CHRDL1: variants seen among roughly 807,000 people sequenced by gnomAD.
CHRDL1 encodes the protein chordin like 1.
Under a neutral mutation model 40.9 loss-of-function variants are expected in CHRDL1, and 19 were observed. That is an observed-to-expected ratio of 0.46 (90% CI 0.32 to 0.68). The LOEUF is 0.68. Ranked by LOEUF, CHRDL1 falls within the 30% of genes least tolerant of loss-of-function variation. The pLI is 0.03. For missense variants in CHRDL1, 329 were observed against 352.1 expected, an observed-to-expected ratio of 0.93 and a Z score of 0.53; for synonymous variants, 136 against 123.4, an observed-to-expected ratio of 1.10 and a Z score of -0.68.
intron 9 of CHRDL1, among the ~76,000 whole-genome samples, chrX:110,683,967 C>T (rs982150643): frequency 1.8e-5 from 2 of 112,140 alleles, no homozygotes; most frequent in African/African-American, 6.5e-5. Context: ...GGACTCTCTC[C>T]CCTGTATGTC....
In CHRDL1 at chrX:110,721,457, A is replaced by G. The variant is rs779388308; in HGVS notation, c.375T>C (p.His125=). ...GCCCTTCAGCTACGAACAGCTCTCCATGTTGGTAAGTTGTCCCATTGTACT... is the reference window on the plus strand; with the variant it reads ...GCCCTTCAGCTACGAACAGCTCTCCGTGTTGGTAAGTTGTCCCATTGTACT... ...SCEYNGTTYQ[H]GELFVAEGLF... The change falls in exon 5 of 12, where the codon CAT becomes CAC. Residue 125 remains histidine (H), a synonymous_variant. Transcript: ENST00000372042. The G allele has an allele frequency of 2.5e-5, 30 of 1,205,790 alleles. No individual in the cohort carries two copies. Among genetic ancestry groups the G allele is most frequent in the Non-Finnish European group, 3.0e-5 (27 of 891,317 alleles).
intron 9 of CHRDL1, among the ~76,000 whole-genome samples, chrX:110,685,886 A>ATTTTTTT (rs72389100): frequency 1.1e-4 from 9 of 82,779 alleles, no homozygotes; most frequent in African/African-American, 4.4e-4. Flanking sequence ...TTTTTAGCCA[A>ATTTTTTT]TTTTTTTTTT....
At chrX:110,753,042 A>G (rs1301585718) in intron 4 of CHRDL1, among the ~76,000 whole-genome samples, 1 of 111,726 alleles carries the variant, frequency 9.0e-6, no homozygotes, top group African/African-American at 3.3e-5. Flanking sequence ...AAGACCCAGA[A>G]TTTCCACTCC....
chrX:110,747,044 C>A (rs765450167), intron 4 of CHRDL1, among the ~76,000 whole-genome samples: 1 of 110,673 alleles, frequency 9.0e-6, no homozygotes, highest in Non-Finnish European at 1.9e-5. Flanking sequence ...ATTGGCCCCC[C>A]CTGCCTTCCT....
chrX:110,724,503 T>C (rs79484439), intron 4 of CHRDL1, among the ~76,000 whole-genome samples: 3 of 109,682 alleles, frequency 2.7e-5, no homozygotes, highest in Non-Finnish European at 5.7e-5. Context: ...TAACATCTCA[T>C]TCTTATTTCA....
At chrX:110,742,365 C>T (rs2071377124) in intron 4 of CHRDL1, among the ~76,000 whole-genome samples, 1 of 112,360 alleles carries the variant, frequency 8.9e-6, no homozygotes, top group African/African-American at 3.2e-5. Context: ...TACCTGAGCA[C>T]CTGCACAGGC....
chrX:110,681,661 A>G lies in CHRDL1; in HGVS notation c.989-12T>C. On this transcript the variant is annotated splice_polypyrimidine_tract_variant and intron_variant, in intron 9 of 11. Coordinates refer to ENST00000372042, the MANE Select transcript of CHRDL1 (RefSeq NM_001143981.2). ...GCCTGGAAGTTCTTCTGGAATCAGG[A>G]AGCAAGTAGAATTTTGTCATGGTTT... 8.5e-7 allele frequency: 1 copy of G among 1,179,680 alleles called. No individual in the cohort carries two copies. Among genetic ancestry groups the G allele is most frequent in the Admixed American group, 2.3e-5 (1 of 43,830 alleles).
rs758478459 is a variant in CHRDL1 at position 110,697,515 on chromosome X, G to A, written c.609+3139C>T. Reference sequence around the variant, plus strand: ...TTCAGAATATATTCTAATCCATACAGCCATTAAAACATTGTATCTTAATCA... The same window carrying A: ...TTCAGAATATATTCTAATCCATACAACCATTAAAACATTGTATCTTAATCA... On this transcript the variant is annotated intron_variant, in intron 7 of 11. Coordinates refer to ENST00000372042, the MANE Select transcript of CHRDL1 (RefSeq NM_001143981.2). Among the ~76,000 whole-genome samples, 5 of 110,566 alleles carry A rather than the reference G, an allele frequency of 4.5e-5. 1 individual carries two copies. The South Asian group carries it at 1.6e-3, about 34-fold the overall frequency.
At chrX:110,723,143 C>T (rs1261433200) in intron 4 of CHRDL1, among the ~76,000 whole-genome samples, 3 of 110,555 alleles carry the variant, frequency 2.7e-5, no homozygotes, top group Admixed American at 1.9e-4. Context: ...CCCAGCTAAT[C>T]GGGAGGCTGA....
At chrX:110,748,759 C>A (rs1340633166) in intron 4 of CHRDL1, among the ~76,000 whole-genome samples, 1 of 112,257 alleles carries the variant, frequency 8.9e-6, no homozygotes, top group Non-Finnish European at 1.9e-5. Flanking sequence ...CGGCATAATG[C>A]CATTCATATG....
chrX:110,705,304 T>TATATATATATACAC lies in CHRDL1; in HGVS notation c.542-4584_542-4583insGTGTATATATATAT, dbSNP rs1491498596. Among the ~76,000 whole-genome samples the TATATATATATACAC allele has an allele frequency of 1.2e-3, 90 of 77,581 alleles. 1 individual carries two copies. Among genetic ancestry groups the TATATATATATACAC allele is most frequent in the African/African-American group, 4.8e-3 (85 of 17,689 alleles). 67.4% of individuals were successfully genotyped at this position (77,581 alleles called of 115,157 possible). ...GACTATATATATATATATATATATA[T>TATATATATATACAC]ACACACACACATATATATATACACA... On this transcript the variant is annotated intron_variant, in intron 6 of 11. Transcript: ENST00000372042.
At chrX:110,699,672 G>GT (rs965114119) in intron 7 of CHRDL1, among the ~76,000 whole-genome samples, 4 of 112,000 alleles carry the variant, frequency 3.6e-5, no homozygotes, top group African/African-American at 9.7e-5. Context: ...TTTACATAAA[G>GT]AAGTGATAGT....
chrX:110,676,253 C>G lies in CHRDL1; in HGVS notation c.1355G>C (p.Arg452Thr). The G allele has an allele frequency of 1.7e-6, 2 of 1,209,418 alleles. No homozygotes were observed. The highest frequency in any genetic ancestry group is 2.2e-6 in the Non-Finnish European group (2 of 893,960). ...TGCCTAACAGTGGCCCTTTTCAGATCTCTCCAGGTACAAAACCTTGACTAA... is the reference window on the plus strand; with the variant it reads ...TGCCTAACAGTGGCCCTTTTCAGATGTCTCCAGGTACAAAACCTTGACTAA... ...EDLVKVLYLERSEKGHC is the reference protein window; with the variant it reads ...EDLVKVLYLETSEKGHC The change falls in exon 12 of 12, where the codon AGA (arginine) becomes ACA (threonine). Residue 452 changes from arginine to threonine, a missense_variant. Transcript: ENST00000372042.
At chrX:110,676,859 T>G (rs2069788128) in intron 11 of CHRDL1, among the ~76,000 whole-genome samples, 1 of 111,009 alleles carries the variant, frequency 9.0e-6, no homozygotes, top group African/African-American at 3.3e-5. Context: ...CCTCTATTCC[T>G]GCTATCTTTT....
rs912442694 is a variant in CHRDL1 at position 110,674,109 on chromosome X, A to G, written c.*2122T>C. The G allele has an allele frequency of 4.5e-5, 5 of 111,409 alleles. No homozygotes were observed. The highest frequency in any genetic ancestry group is 1.3e-4 in the African/African-American group (4 of 30,605). The allele number at this position is 111,409 out of a possible 1,213,427, so 9.2% of individuals were successfully genotyped here. On this transcript the variant is annotated 3_prime_UTR_variant, in exon 12 of 12. Transcript: ENST00000372042. ...AGAACCACATCCATTCTTCTCTACTAACTACAGGCAGCTTGGCCTCTTTAC... is the reference window on the plus strand; with the variant it reads ...AGAACCACATCCATTCTTCTCTACTGACTACAGGCAGCTTGGCCTCTTTAC...
At position 110,745,738 on chromosome X, in the gene CHRDL1, G is replaced by A. The variant is rs111712928; in HGVS notation, c.301+13923C>T. Among the ~76,000 whole-genome samples the A allele has an allele frequency of 9.4e-3, 1,051 of 111,866 alleles. 6 individuals are homozygous for A. Among genetic ancestry groups the A allele is most frequent in the African/African-American group, 0.033 (1,001 of 30,747 alleles). ...TCCTCCACTAGATTGTGAACTCGTC[G>A]AGGCAGGAACTCTGAAACCTCAGCA... On this transcript the variant is annotated intron_variant, in intron 4 of 11. Coordinates refer to ENST00000372042, the MANE Select transcript of CHRDL1 (RefSeq NM_001143981.2).
chrX:110,705,332 T>C (rs1261724981), intron 6 of CHRDL1, among the ~76,000 whole-genome samples: 1 of 77,226 alleles, frequency 1.3e-5, no homozygotes, highest in Non-Finnish European at 2.2e-5. Flanking sequence ...TATACACACA[T>C]ATATATACAC....
rs976452324 is a variant in CHRDL1 at position 110,787,640 on chromosome X, TATC to T, written c.94+4445_94+4447del. Among the ~76,000 whole-genome samples the T allele has an allele frequency of 2.1e-4, 24 of 112,144 alleles. No homozygotes were observed. In the East Asian group the frequency reaches 5.9e-3, roughly 28 times the overall value. On this transcript the variant is annotated intron_variant, in intron 2 of 11. Transcript: ENST00000372042. ...CTTCACATGTTTCAAACTTTCTAAGTATCTTCTTCCTTCCCTTCAATCTTTTGG... is the reference window on the plus strand; with the variant it reads ...CTTCACATGTTTCAAACTTTCTAAGTTTCTTCCTTCCCTTCAATCTTTTGG...
intron 4 of CHRDL1, among the ~76,000 whole-genome samples, chrX:110,721,927 CA>C (rs2070963461): frequency 8.9e-6 from 1 of 112,328 alleles, no homozygotes; most frequent in Admixed American, 9.4e-5. Context: ...CATGCTATCT[CA>C]TTTAATCTTT....
Sources: gnomAD v4.1 joint callset for allele counts (sites outside exome capture counted in the v4.1 genomes callset) on GRCh38, gnomAD v4.1.1 for gene constraint, MANE v1.5 for transcripts, NCBI Gene and HGNC (gene_info 2026-07-23, HGNC 2026-07-21) for gene names.